Variants in ITGB3BP observed in about 807,000 individuals in gnomAD.
ITGB3BP encodes the protein centromere protein R.
Under a neutral mutation model 29.1 loss-of-function variants are expected in ITGB3BP, and 27 were observed. The observed-to-expected ratio is 0.93, with a 90% CI of 0.68 to 1.28. ITGB3BP has a LOEUF of 1.28. Among genes scored for constraint, ITGB3BP ranks in the 50% most tolerant of loss-of-function variants. ITGB3BP has a pLI of 0.00. For missense variants in ITGB3BP, 192 were observed against 200.2 expected (o/e 0.96, Z 0.25); for synonymous variants, 61 against 61.4 (o/e 0.99, Z 0.03).
intron 2 of ITGB3BP, among the ~76,000 whole-genome samples, chr1:63,495,590 T>TGGGGCAGGTAG (rs1444716468): frequency 1.5e-5 from 2 of 132,444 alleles, no homozygotes; most frequent in African/African-American, 5.9e-5. Flanking sequence ...GAAAGTAGGA[T>TGGGGCAGGTAG]GGGGCAGGTA....
intron 2 of ITGB3BP, among the ~76,000 whole-genome samples, chr1:63,501,098 A>AT (rs1645917603): frequency 6.6e-6 from 1 of 152,262 alleles, no homozygotes; most frequent in Non-Finnish European, 1.5e-5. Context: ...GACTAGATTC[A>AT]TTTTTTTACA....
At chr1:63,501,615 C>A (rs115359940) in intron 2 of ITGB3BP, among the ~76,000 whole-genome samples, 2,189 of 152,102 alleles carry the variant, frequency 0.014, 47 homozygotes, top group African/African-American at 0.05. Context: ...GTAATCCCAG[C>A]ACTCTAGGAG....
chr1:63,512,829 T>G (rs1039417231), intron 1 of ITGB3BP, among the ~76,000 whole-genome samples: 2 of 152,212 alleles, frequency 1.3e-5, no homozygotes, highest in African/African-American at 4.8e-5. Flanking sequence ...CTGAGTATGC[T>G]TGTGAGATTC....
chr1:63,452,600 T>C (rs17125023), intron 7 of ITGB3BP, among the ~76,000 whole-genome samples: 29,668 of 150,774 alleles, frequency 0.2, 3,195 homozygotes, highest in African/African-American at 0.29. Flanking sequence ...CAATCCTGCC[T>C]CTAAATTTTT....
chr1:63,493,674 T>C (rs1291351692), intron 2 of ITGB3BP, among the ~76,000 whole-genome samples: 2 of 152,180 alleles, frequency 1.3e-5, no homozygotes. Flanking sequence ...CAAATAGATA[T>C]GATATTTTCC....
chr1:63,492,195 G>GTC (rs2100686962), intron 2 of ITGB3BP, among the ~76,000 whole-genome samples: 1 of 138,268 alleles, frequency 7.2e-6, no homozygotes, highest in Non-Finnish European at 1.5e-5. Flanking sequence ...TGCTCTGTGT[G>GTC]TGTGTGTGTG....
chr1:63,475,997 C>CAAAA (rs71052481), intron 4 of ITGB3BP, among the ~76,000 whole-genome samples: 1 of 104,370 alleles, frequency 9.6e-6, no homozygotes. Context: ...GACACTGTCT[C>CAAAA]AAAAAAAAAA....
chr1:63,519,047 A>T (rs189932138), intron 1 of ITGB3BP, among the ~76,000 whole-genome samples: 1 of 152,158 alleles, frequency 6.6e-6, no homozygotes, highest in Admixed American at 6.5e-5. Context: ...ATGTCTACAT[A>T]TAACCCCATA....
At chr1:63,525,830 A>G, upstream of ITGB3BP, 5 of 1,050,824 alleles carry the variant, frequency 4.8e-6, no homozygotes, top group South Asian at 1.6e-5. Flanking sequence ...AAAGACTGAA[A>G]TTAGAATTAC....
intron 2 of ITGB3BP, among the ~76,000 whole-genome samples, chr1:63,494,615 G>A (rs1462062340): frequency 3.3e-5 from 5 of 152,008 alleles, no homozygotes; most frequent in South Asian, 4.1e-4. Flanking sequence ...AAAACTCATC[G>A]AATTATACAC....
chr1:63,503,355 T>C (rs1253356627), intron 2 of ITGB3BP, among the ~76,000 whole-genome samples: 1 of 151,994 alleles, frequency 6.6e-6, no homozygotes, highest in Non-Finnish European at 1.5e-5. Context: ...CACTTTTTGA[T>C]GGGGTTGTTT....
chr1:63,471,588 T>C (rs1315316675), intron 4 of ITGB3BP, among the ~76,000 whole-genome samples: 1 of 152,086 alleles, frequency 6.6e-6, no homozygotes, highest in Non-Finnish European at 1.5e-5. Flanking sequence ...ATATTCAGAC[T>C]TCCAATCCAC....
intron 1 of ITGB3BP, among the ~76,000 whole-genome samples, chr1:63,513,781 AC>A (rs1243164316): frequency 3.3e-5 from 5 of 152,146 alleles, no homozygotes; most frequent in African/African-American, 1.2e-4. Flanking sequence ...CAATACACTT[AC>A]TCATTTGACC....
At position 63,483,468 on chromosome 1, in the gene ITGB3BP, G is replaced by A. The variant is rs187628790; in HGVS notation, c.185-4635C>T. Among the ~76,000 whole-genome samples, 4 of 152,136 alleles carry A rather than the reference G, an allele frequency of 2.6e-5. No individual in the cohort carries two copies. The East Asian group carries it at 5.8e-4, about 22-fold the overall frequency. On this transcript the variant is annotated intron_variant, in intron 3 of 8. Transcript: ENST00000271002. ...CCTTCTGCTACTTGAAAAAAAATCA[G>A]TCTTGCCAGAGGGCTAACATTTCAT... is the stretch of plus-strand genomic sequence containing the variant.
chr1:63,525,875 G>A, upstream of ITGB3BP: 1 of 691,950 alleles, frequency 1.4e-6, no homozygotes, highest in Non-Finnish European at 2.3e-6. Context: ...AGTGAAGCTT[G>A]AGCAATGGAA....
In ITGB3BP at chr1:63,499,952, C is replaced by T. The variant is rs187605868; in HGVS notation, c.48+8576G>A. Among the ~76,000 whole-genome samples, 71 of 152,252 alleles carry T rather than the reference C, an allele frequency of 4.7e-4. 1 individual carries two copies. The highest frequency in any genetic ancestry group is 1.6e-3 in the African/African-American group (67 of 41,552). On this transcript the variant is annotated intron_variant, in intron 2 of 8. Coordinates refer to ENST00000271002, the MANE Select transcript of ITGB3BP (RefSeq NM_014288.5). ...ACAAGAAAAGAATGTCTGCTCTTGC[C>T]ACTTCTACTTAATATTTTTCAGGAG...
At chr1:63,492,738 A>G (rs1645679133) in intron 2 of ITGB3BP, among the ~76,000 whole-genome samples, 1 of 148,154 alleles carries the variant, frequency 6.7e-6, no homozygotes, top group African/African-American at 2.4e-5. Context: ...AGATTTGGCT[A>G]GAAAAAAGCA....
intron 4 of ITGB3BP, among the ~76,000 whole-genome samples, chr1:63,471,942 G>A (rs1264321465): frequency 3.3e-5 from 5 of 151,948 alleles, no homozygotes; most frequent in South Asian, 2.1e-4. Context: ...AAGCCACCAC[G>A]CCTGGCTAAT....
At chr1:63,502,632 T>C (rs554831212) in intron 2 of ITGB3BP, among the ~76,000 whole-genome samples, 14 of 151,582 alleles carry the variant, frequency 9.2e-5, no homozygotes, top group Admixed American at 2.6e-4. Flanking sequence ...TCATTTAACA[T>C]TAGGTATATC....
Sources: allele counts gnomAD v4.1 joint callset (sites outside exome capture counted in the v4.1 genomes callset), GRCh38; gene constraint gnomAD v4.1.1; transcripts MANE v1.5; gene names NCBI Gene and HGNC (gene_info 2026-07-23, HGNC 2026-07-21).